The following REDIC1 variants were observed in gnomAD, a reference collection of about 807,000 sequenced individuals.
REDIC1 encodes the protein HEI10 Interacting Protein 1.
At chr12:39,700,645 A>G in the REDIC1 span, among the ~76,000 whole-genome samples, 1 of 152,116 alleles carries the variant, frequency 6.6e-6, no homozygotes, top group Non-Finnish European at 1.5e-5. Context: ...CAGATTCACC[A>G]AAGTTGAAAT....
the REDIC1 span, among the ~76,000 whole-genome samples, chr12:39,802,755 A>C: frequency 6.6e-6 from 1 of 152,190 alleles, no homozygotes; most frequent in Admixed American, 6.5e-5. Flanking sequence ...AGATATGAAT[A>C]TGTAACCATA....
the REDIC1 span, among the ~76,000 whole-genome samples, chr12:39,636,840 A>G: frequency 6.6e-5 from 10 of 152,046 alleles, no homozygotes; most frequent in Admixed American, 2.6e-4. Flanking sequence ...CAGTTTCAAT[A>G]TCTCTTGCAT....
chr12:39,648,496 TTCAA>T, the REDIC1 span, among the ~76,000 whole-genome samples: 1 of 151,700 alleles, frequency 6.6e-6, no homozygotes, highest in African/African-American at 2.4e-5. Context: ...TAAAATGTTG[TTCAA>T]TCATTGTGTG....
At chr12:39,719,891 C>A in the REDIC1 span, among the ~76,000 whole-genome samples, 1 of 151,926 alleles carries the variant, frequency 6.6e-6, no homozygotes, top group Admixed American at 6.6e-5. Context: ...TGTGTTCGGA[C>A]CATTTTAAGA....
At chr12:39,735,080 G>C in the REDIC1 span, among the ~76,000 whole-genome samples, 1 of 152,184 alleles carries the variant, frequency 6.6e-6, no homozygotes, top group South Asian at 2.1e-4. Context: ...TAAATTTTGA[G>C]AAGTTGTTTA....
the REDIC1 span, among the ~76,000 whole-genome samples, chr12:39,806,075 C>T: frequency 6.6e-6 from 1 of 152,154 alleles, no homozygotes; most frequent in Non-Finnish European, 1.5e-5. Context: ...TGCAACAGAA[C>T]TGATTATTTA....
the REDIC1 span, among the ~76,000 whole-genome samples, chr12:39,771,729 T>C: frequency 0.97 from 147,937 of 152,148 alleles, 71,922 homozygotes; most frequent in East Asian, 1. Flanking sequence ...CAAACTCATA[T>C]GCCACCAAGT....
chr12:39,713,948 T>C, the REDIC1 span, among the ~76,000 whole-genome samples: 2,971 of 148,500 alleles, frequency 0.02, 40 homozygotes, highest in Non-Finnish European at 0.028. Flanking sequence ...TATACCTATA[T>C]ATACGTGTAT....
the REDIC1 span, among the ~76,000 whole-genome samples, chr12:39,672,126 G>A: frequency 6.6e-6 from 1 of 152,148 alleles, no homozygotes; most frequent in African/African-American, 2.4e-5. Flanking sequence ...TAAGCCACCT[G>A]GTGGTGTATG....
At chr12:39,907,410 A>G in the REDIC1 span, among the ~76,000 whole-genome samples, 1 of 152,146 alleles carries the variant, frequency 6.6e-6, no homozygotes, top group Non-Finnish European at 1.5e-5. Context: ...CATAATTTAT[A>G]AGACTCCAAA....
the REDIC1 span, among the ~76,000 whole-genome samples, chr12:39,792,961 A>G: frequency 2.2e-4 from 34 of 152,288 alleles, 1 homozygote; most frequent in South Asian, 5.0e-3. Context: ...AAGTAGGCAT[A>G]TATCTACATT....
chr12:39,900,059 C>A, the REDIC1 span, among the ~76,000 whole-genome samples: 3 of 152,024 alleles, frequency 2.0e-5, no homozygotes, highest in Admixed American at 6.6e-5. Flanking sequence ...TAAATGTAAT[C>A]CAGCATATAA....
At chr12:39,807,602 T>G in the REDIC1 span, among the ~76,000 whole-genome samples, 2 of 152,220 alleles carry the variant, frequency 1.3e-5, no homozygotes, top group Admixed American at 6.5e-5. Flanking sequence ...AAGGTACTGT[T>G]AAACCTGCAG....
At chr12:39,746,709 G>A in the REDIC1 span, among the ~76,000 whole-genome samples, 1 of 152,210 alleles carries the variant, frequency 6.6e-6, no homozygotes, top group Non-Finnish European at 1.5e-5. Context: ...ACACGGCTGG[G>A]TGCCCCCCTG....
At chr12:39,807,254 C>T in the REDIC1 span, among the ~76,000 whole-genome samples, 1 of 152,128 alleles carries the variant, frequency 6.6e-6, no homozygotes, top group African/African-American at 2.4e-5. Flanking sequence ...CACTAGGGAT[C>T]CCTGTGGTAA....
At chr12:39,647,655 A>G in the REDIC1 span, 7 of 552,422 alleles carry the variant, frequency 1.3e-5, no homozygotes, top group Middle Eastern at 4.8e-4. Context: ...TCAATTACTG[A>G]TGGGTTGCCT....
chr12:39,698,960 A>G, the REDIC1 span, among the ~76,000 whole-genome samples: 1 of 152,192 alleles, frequency 6.6e-6, no homozygotes, highest in Non-Finnish European at 1.5e-5. Flanking sequence ...CCAAACCCAA[A>G]ATTAGTAGCA....
chr12:39,724,051 G>A, the REDIC1 span, among the ~76,000 whole-genome samples: 3 of 152,022 alleles, frequency 2.0e-5, no homozygotes, highest in East Asian at 1.9e-4. Flanking sequence ...CTCATTTCCC[G>A]AGGGGTGTCT....
the REDIC1 span, chr12:39,829,423 T>TTTTTTTTTG: frequency 7.7e-6 from 1 of 129,160 alleles, no homozygotes; most frequent in African/African-American, 3.0e-5. Context: ...TTTCTTTTTT[T>TTTTTTTTTG]TGAGGCAGAG....
Sources: gnomAD v4.1 joint callset for allele counts (sites outside exome capture counted in the v4.1 genomes callset) on GRCh38, gnomAD v4.1.1 for gene constraint, MANE v1.5 for transcripts, NCBI Gene and HGNC (gene_info 2026-07-23, HGNC 2026-07-21) for gene names.